PPP3CA: variants seen among roughly 807,000 people sequenced by gnomAD.
The protein encoded by PPP3CA is protein phosphatase 3 catalytic subunit alpha.
Under a neutral mutation model 66.5 loss-of-function variants are expected in PPP3CA, and 14 were observed. That is an observed-to-expected ratio of 0.21 (90% CI 0.14 to 0.33). The LOEUF is 0.33. PPP3CA is among the 10% of genes least tolerant of loss of function. The probability of loss-of-function intolerance (pLI) is 1.00; values close to 1 mark genes in which losing one functional copy is unlikely to be tolerated. For missense variants in PPP3CA, 317 were observed against 639.5 expected (o/e 0.50, Z 5.44); for synonymous variants, 232 against 226.2 (o/e 1.03, Z -0.23).
chr4:101,301,303 C>T (rs1560706651), intron 1 of PPP3CA, among the ~76,000 whole-genome samples: 2 of 151,374 alleles, frequency 1.3e-5, no homozygotes, highest in East Asian at 3.9e-4. Context: ...ATACTACCTG[C>T]TAAATATTAG....
At chr4:101,151,544 G>C (rs1723137757) in intron 2 of PPP3CA, among the ~76,000 whole-genome samples, 1 of 131,898 alleles carries the variant, frequency 7.6e-6, no homozygotes, top group African/African-American at 2.9e-5. Flanking sequence ...GGGTCACAAA[G>C]CAAGACTCTG....
chr4:101,044,115 T>C (rs1448088074), intron 10 of PPP3CA, among the ~76,000 whole-genome samples: 3 of 152,114 alleles, frequency 2.0e-5, no homozygotes, highest in Non-Finnish European at 1.5e-5. Context: ...TGAAATAAAA[T>C]ATGTGGATTG....
chr4:101,250,429 A>G (rs1726637831), intron 1 of PPP3CA: 1 of 448,846 alleles, frequency 2.2e-6, no homozygotes, highest in Non-Finnish European at 4.5e-6. Flanking sequence ...AATATATTTA[A>G]TAGATTATTG....
At chr4:101,099,822 A>AC in intron 3 of PPP3CA, 100 bp from the exon 4 acceptor site, 1 of 566,508 alleles carries the variant, frequency 1.8e-6, no homozygotes, top group South Asian at 4.8e-5. Context: ...ATGTATTACC[A>AC]TGACCAAAAG....
intron 1 of PPP3CA, among the ~76,000 whole-genome samples, chr4:101,274,419 A>AT (rs141377763): frequency 0.016 from 2,470 of 152,348 alleles, 66 homozygotes; most frequent in African/African-American, 0.055. Context: ...TCAGCTGTTA[A>AT]TTGGGCACAA....
chr4:101,203,959 T>C (rs1298107823), intron 1 of PPP3CA, among the ~76,000 whole-genome samples: 3 of 152,328 alleles, frequency 2.0e-5, no homozygotes, highest in Middle Eastern at 3.4e-3. Context: ...AAATAAAAGC[T>C]GATTTTTAAA....
At chr4:101,205,538 A>C (rs1725105207) in intron 1 of PPP3CA, among the ~76,000 whole-genome samples, 1 of 151,618 alleles carries the variant, frequency 6.6e-6, no homozygotes, top group Non-Finnish European at 1.5e-5. Flanking sequence ...TTGCCTTCTT[A>C]GTCCTCAATC....
At chr4:101,116,714 CATAAA>C (rs1721848633) in intron 2 of PPP3CA, among the ~76,000 whole-genome samples, 1 of 151,732 alleles carries the variant, frequency 6.6e-6, no homozygotes, top group Non-Finnish European at 1.5e-5. Flanking sequence ...AAATCTGTAT[CATAAA>C]ATAAACTAAA....
intron 1 of PPP3CA, among the ~76,000 whole-genome samples, chr4:101,311,894 T>C (rs1489765856): frequency 6.6e-6 from 1 of 152,162 alleles, no homozygotes; most frequent in Admixed American, 6.5e-5. Flanking sequence ...CTTTTTTTTA[T>C]CTCTTTCCAC....
chr4:101,057,187 T>C (rs1361126935), intron 10 of PPP3CA, among the ~76,000 whole-genome samples: 2 of 151,974 alleles, frequency 1.3e-5, no homozygotes, highest in Non-Finnish European at 2.9e-5. Flanking sequence ...TCCAAGTAGC[T>C]AGGAATACGG....
At chr4:101,142,632 G>C (rs1174306221) in intron 2 of PPP3CA, among the ~76,000 whole-genome samples, 1 of 152,060 alleles carries the variant, frequency 6.6e-6, no homozygotes, top group Non-Finnish European at 1.5e-5. Context: ...AAACTTTCAG[G>C]CTCAAGCGAT....
At position 101,284,861 on chromosome 4, in the gene PPP3CA, A is replaced by G. The variant is rs577413638; in HGVS notation, c.58+61878T>C. ...ATTCCACATGATTAGTCATCTGTAC[A>G]GATTGGAATCTGGATAGCTGAAGAT... On this transcript the variant is annotated intron_variant, in intron 1 of 13. Transcript: ENST00000394854. Among the ~76,000 whole-genome samples the G allele has an allele frequency of 3.3e-5, 5 of 152,326 alleles. No homozygotes were observed. In the East Asian group the frequency reaches 5.8e-4, roughly 18 times the overall value.
intron 11 of PPP3CA, among the ~76,000 whole-genome samples, chr4:101,037,493 A>G (rs760128690): frequency 1.3e-5 from 2 of 152,020 alleles, no homozygotes; most frequent in African/African-American, 4.8e-5. Context: ...TGTTTTCCCA[A>G]ATTCCTTGTA....
intron 2 of PPP3CA, among the ~76,000 whole-genome samples, chr4:101,151,572 AG>A (rs1203043931): frequency 6.6e-6 from 1 of 151,210 alleles, no homozygotes; most frequent in Admixed American, 6.6e-5. Context: ...AAAAAAAAAA[AG>A]AAATGTTTAC....
intron 12 of PPP3CA, among the ~76,000 whole-genome samples, chr4:101,029,717 G>A (rs1726851571): frequency 6.6e-6 from 1 of 151,328 alleles, no homozygotes; most frequent in Non-Finnish European, 1.5e-5. Flanking sequence ...AAAACAGGGA[G>A]ATTCAAATTT....
At chr4:101,136,277 G>A (rs1455941852) in intron 2 of PPP3CA, among the ~76,000 whole-genome samples, 4 of 151,992 alleles carry the variant, frequency 2.6e-5, no homozygotes, top group Non-Finnish European at 4.4e-5. Context: ...TTCATCAGCC[G>A]GGTGTGTAAT....
chr4:101,177,437 T>C lies in PPP3CA; in HGVS notation c.259+18479A>G, dbSNP rs187116028. On this transcript the variant is annotated intron_variant, in intron 2 of 13. Coordinates refer to ENST00000394854, the MANE Select transcript of PPP3CA (RefSeq NM_000944.5). ...TCTCGGGATTCCTGATTCATAGTAG[T>C]CCTGTACTCTCATCACTTTTAGACA... 9.2e-5 allele frequency among the ~76,000 whole-genome samples: 14 copies of C among 152,258 alleles called. No homozygotes were observed. In the South Asian group the frequency reaches 1.4e-3, roughly 16 times the overall value.
At chr4:101,094,348 G>A (rs949426394) in intron 5 of PPP3CA, among the ~76,000 whole-genome samples, 1 of 151,762 alleles carries the variant, frequency 6.6e-6, no homozygotes, top group African/African-American at 2.4e-5. Context: ...TCCTATTACT[G>A]CCTCTATTAA....
In PPP3CA at chr4:101,106,441, GAAAGAAAGAAAGAGAAAA is replaced by G. The variant is rs1364203129; in HGVS notation, c.384+2495_384+2512del. Reference sequence around the variant, plus strand: ...AGAAAGAAAGAAAGAAAGAAAGAAAGAAAGAAAGAAAGAGAAAAGAAAAGAAAAGAAAAGAAAAGAAAA... The same window carrying G: ...AGAAAGAAAGAAAGAAAGAAAGAAAGGAAAAGAAAAGAAAAGAAAAGAAAA... On this transcript the variant is annotated intron_variant, in intron 3 of 13. Transcript: ENST00000394854. Among the ~76,000 whole-genome samples, 39 of 11,304 alleles carry G rather than the reference GAAAGAAAGAAAGAGAAAA, an allele frequency of 3.5e-3. 11 individuals carry two copies. The highest frequency in any genetic ancestry group is 0.012 in the African/African-American group (39 of 3,200). 7.4% of individuals were successfully genotyped at this position (11,304 alleles called of 152,430 possible).
Sources: gnomAD v4.1 joint callset for allele counts (sites outside exome capture counted in the v4.1 genomes callset) on GRCh38, gnomAD v4.1.1 for gene constraint, MANE v1.5 for transcripts, NCBI Gene and HGNC (gene_info 2026-07-23, HGNC 2026-07-21) for gene names.